Variants in PPA1 observed in about 807,000 individuals in gnomAD.
The protein encoded by PPA1 is inorganic pyrophosphatase 1, also known as inorganic pyrophosphatase.
In PPA1, 23 loss-of-function variants were observed where a neutral mutation model predicts 41.8. The observed-to-expected ratio is 0.55, with a 90% CI of 0.40 to 0.78. PPA1 has a LOEUF of 0.78. Among genes scored for constraint, PPA1 ranks in the 30% least tolerant of loss-of-function variants. PPA1 has a pLI of 0.00. For missense variants in PPA1, 320 were observed against 361.6 expected (o/e 0.89, Z 0.93); for synonymous variants, 101 against 116.8 (o/e 0.86, Z 0.87).
chr10:70,207,218 T>A (rs112960355), intron 8 of PPA1, among the ~76,000 whole-genome samples: 2,147 of 152,328 alleles, frequency 0.014, 23 homozygotes, highest in Middle Eastern at 0.031. Flanking sequence ...ATATACTATT[T>A]CACTATTAAT....
At chr10:70,211,723 A>C (rs1159310773) in intron 6 of PPA1, among the ~76,000 whole-genome samples, 1 of 152,090 alleles carries the variant, frequency 6.6e-6, no homozygotes, top group African/African-American at 2.4e-5. Context: ...AGCCTTAGTA[A>C]ATGAGTGCTG....
chr10:70,205,863 T>G (rs1357881628), intron 9 of PPA1: 1 of 159,332 alleles, frequency 6.3e-6, no homozygotes, highest in Non-Finnish European at 1.4e-5. Flanking sequence ...TTTCTTAGAT[T>G]ATGAATCATT....
rs975670709 is a variant in PPA1, at chr10:70,206,884, G to T, written c.726-551C>A. On this transcript the variant is annotated intron_variant, in intron 8 of 10. Coordinates refer to ENST00000373232, the MANE Select transcript of PPA1 (RefSeq NM_021129.4). ...GAGGAGAGGAGGGGAGGGGAGGGGA[G>T]GGGAGGGGAGGGGAGGAGAGGACGA... 9.4e-3 allele frequency among the ~76,000 whole-genome samples: 986 copies of T among 105,012 alleles called. 8 individuals are homozygous for T. Among genetic ancestry groups the T allele is most frequent in the Non-Finnish European group, 0.014 (732 of 52,300 alleles). The allele number at this position is 105,012 out of a possible 152,430, so 68.9% of individuals were successfully genotyped here.
rs575401407 is a variant in PPA1 at position 70,209,021 on chromosome 10, T to C, written c.725+184A>G. On this transcript the variant is annotated intron_variant, in intron 8 of 10. Transcript: ENST00000373232. ...GTTGTCCAGGCTGGTCTTCAACTCC[T>C]GGGCTCAAGCAATCCATCCACCTTG... 4.9e-3 allele frequency among the ~76,000 whole-genome samples: 748 copies of C among 152,266 alleles called. 1 individual carries two copies. The highest frequency in any genetic ancestry group is 9.0e-3 in the Non-Finnish European group (612 of 68,022).
chr10:70,230,382 ATT>A lies in PPA1; in HGVS notation c.80_81del (p.Gln27LeufsTer7), dbSNP rs1192765930. 1 of 1,611,774 alleles carries A rather than the reference ATT, an allele frequency of 6.2e-7. No homozygotes were observed. ...GGAATATCATGAAATGGAGATATAT[ATT>A]GTCCTTTCTCATTTTCTGCAAAATA... ...YRVFLKNEKG[Q>X]YISPFHDIPI... On this transcript the variant is annotated frameshift_variant, in exon 2 of 11. Transcript: ENST00000373232. LOFTEE classifies it high-confidence loss of function.
chr10:70,228,424 C>A (rs1840256200), intron 2 of PPA1, among the ~76,000 whole-genome samples: 1 of 152,146 alleles, frequency 6.6e-6, no homozygotes, highest in African/African-American at 2.4e-5. Flanking sequence ...CTGTAGCATA[C>A]CTGTATGCCA....
At chr10:70,212,025 T>C (rs758136305) in intron 6 of PPA1, among the ~76,000 whole-genome samples, 1 of 152,210 alleles carries the variant, frequency 6.6e-6, no homozygotes, top group Non-Finnish European at 1.5e-5. Flanking sequence ...TTGACCTCCA[T>C]CACCTGGCTG....
Position 70,204,858 on chromosome 10 carries a change from G to T in PPA1, c.838+15C>A. 3 of 1,570,410 alleles carry T rather than the reference G, an allele frequency of 1.9e-6. No individual in the cohort carries two copies. Among genetic ancestry groups the T allele is most frequent in the Non-Finnish European group, 2.6e-6 (3 of 1,151,898 alleles). ...TGTAATGTTTAATGAAATTTTACTG[G>T]AATAGAAATCTTACCGTCTGTTGGT... On this transcript the variant is annotated intron_variant, in intron 10 of 10. Coordinates refer to ENST00000373232, the MANE Select transcript of PPA1 (RefSeq NM_021129.4).
chr10:70,209,917 G>A, intron 6 of PPA1: 1 of 486,364 alleles, frequency 2.1e-6, no homozygotes, highest in South Asian at 2.3e-5. Context: ...AAATCATCTA[G>A]TATCTCTGAA....
intron 2 of PPA1, 83 bp downstream of exon 2, chr10:70,230,258 G>T (rs760374636): frequency 2.0e-4 from 294 of 1,490,728 alleles, no homozygotes; most frequent in Non-Finnish European, 2.6e-4. Flanking sequence ...TTAAGCACTT[G>T]TTGAGAGACA....
chr10:70,233,400 A>G lies in PPA1; in HGVS notation c.-73T>C. 2 of 1,515,822 alleles carry G rather than the reference A, an allele frequency of 1.3e-6. No homozygotes were observed. The highest frequency in any genetic ancestry group is 1.2e-5 in the South Asian group (1 of 81,040). 93.9% of individuals were successfully genotyped at this position (1,515,822 alleles called of 1,614,324 possible). A position where few individuals can be genotyped will look rare whatever the true frequency, so the allele number is the denominator to read the frequency against. ...ACGCGGCGCCGACTGACAAGGAGAGAGCCCCACGCCTGCGCACTGCGAGCA... is the reference window on the plus strand; with the variant it reads ...ACGCGGCGCCGACTGACAAGGAGAGGGCCCCACGCCTGCGCACTGCGAGCA... On this transcript the variant is annotated 5_prime_UTR_variant, in exon 1 of 11. Transcript: ENST00000373232.
Position 70,202,960 on chromosome 10 carries a change from AAGT to A in PPA1, c.*192_*194del. On this transcript the variant is annotated 3_prime_UTR_variant, in exon 11 of 11. Coordinates refer to ENST00000373232, the MANE Select transcript of PPA1 (RefSeq NM_021129.4). The stretch of plus-strand genomic sequence containing the variant: ...GCTTTGATATTTAAGCATGTGCTAA[AAGT>A]TATCTTAGTTGAGATATGAAAAATG... The A allele has an allele frequency of 1.6e-6, 1 of 614,414 alleles. No homozygotes were observed. The highest frequency in any genetic ancestry group is 2.8e-6 in the Non-Finnish European group (1 of 353,454). 38.1% of individuals were successfully genotyped at this position (614,414 alleles called of 1,614,324 possible).
At chr10:70,215,938 G>A (rs1442312000) in intron 4 of PPA1, among the ~76,000 whole-genome samples, 1 of 152,182 alleles carries the variant, frequency 6.6e-6, no homozygotes, top group African/African-American at 2.4e-5. Context: ...AGAACTGAAA[G>A]CCTGTGCTAG....
At chr10:70,218,698 C>A in intron 3 of PPA1, 66 bp downstream of exon 3, 1 of 1,272,870 alleles carries the variant, frequency 7.9e-7, no homozygotes, top group South Asian at 1.2e-5. Context: ...CATCCTTGAT[C>A]AAGTCAGTGT....
At chr10:70,210,966 T>C (rs1401157630) in intron 6 of PPA1, among the ~76,000 whole-genome samples, 1 of 152,056 alleles carries the variant, frequency 6.6e-6, no homozygotes, top group Admixed American at 6.6e-5. Context: ...TGGGGTTTCG[T>C]GTTAGCTAGG....
At chr10:70,209,862 A>C (rs917880955) in intron 6 of PPA1, 177 bp from the exon 7 acceptor site, 2 of 710,618 alleles carry the variant, frequency 2.8e-6, no homozygotes, top group African/African-American at 3.6e-5. Context: ...ATTGGAGCGA[A>C]GCCCCTTGTT....
In PPA1 at chr10:70,211,767, C is replaced by A. The variant is rs150531108; in HGVS notation, c.511+1696G>T. ...ATGGGCTTGGCTTCACTAATTGTGG[C>A]CACAGCATGCCAAGTTCTCTTGCAT... On this transcript the variant is annotated intron_variant, in intron 6 of 10. Coordinates refer to ENST00000373232, the MANE Select transcript of PPA1 (RefSeq NM_021129.4). 1.7e-3 allele frequency among the ~76,000 whole-genome samples: 257 copies of A among 152,180 alleles called. 1 individual carries two copies. Among genetic ancestry groups the A allele is most frequent in the Middle Eastern group, 6.8e-3 (2 of 294 alleles).
At chr10:70,205,980 G>A in intron 9 of PPA1, 1 of 357,368 alleles carries the variant, frequency 2.8e-6, no homozygotes. Flanking sequence ...TGGGTCATAG[G>A]CACACAGGTT....
chr10:70,213,413 G>A (rs1564582117), intron 6 of PPA1, 50 bp downstream of exon 6: 1 of 1,600,816 alleles, frequency 6.2e-7, no homozygotes, highest in Non-Finnish European at 8.5e-7. Context: ...TAAGTATGGT[G>A]GTGCTTATGA....
Sources: gnomAD v4.1 joint callset for allele counts (sites outside exome capture counted in the v4.1 genomes callset) on GRCh38, gnomAD v4.1.1 for gene constraint, MANE v1.5 for transcripts, NCBI Gene and HGNC (gene_info 2026-07-23, HGNC 2026-07-21) for gene names.